LMX1B: variants seen among roughly 807,000 people sequenced by gnomAD.
The protein encoded by LMX1B is LIM homeobox transcription factor 1-beta.
LMX1B carries 12 observed loss-of-function variants against 51.4 expected under a neutral mutation model. That is an observed-to-expected ratio of 0.23 (90% CI 0.15 to 0.38). LMX1B has a LOEUF of 0.38. Among genes scored for constraint, LMX1B ranks in the 10% least tolerant of loss-of-function variants. The pLI is 1.00. For synonymous variants in LMX1B, 237 were observed against 235.4 expected (o/e 1.01, Z -0.06); for missense variants, 445 against 571.1 (o/e 0.78, Z 2.25).
intron 2 of LMX1B, among the ~76,000 whole-genome samples, chr9:126,628,745 A>G (rs550174760): frequency 2.6e-5 from 4 of 152,254 alleles, no homozygotes; most frequent in Admixed American, 2.6e-4. Flanking sequence ...TTTCTTTTCC[A>G]GGAGATTTTT....
At chr9:126,676,962 G>C (rs1836575353) in intron 2 of LMX1B, among the ~76,000 whole-genome samples, 2 of 152,232 alleles carry the variant, frequency 1.3e-5, no homozygotes, top group African/African-American at 4.8e-5. Context: ...AAAAAACAAA[G>C]AGGCTCAATT....
In LMX1B at chr9:126,693,512, T is replaced by C; in HGVS notation, c.742-12T>C. 3 of 1,613,728 alleles carry C rather than the reference T, an allele frequency of 1.9e-6. No homozygotes were observed. The highest frequency in any genetic ancestry group is 2.5e-6 in the Non-Finnish European group (3 of 1,179,872). On this transcript the variant is annotated splice_polypyrimidine_tract_variant and intron_variant, in intron 4 of 7. Coordinates refer to ENST00000373474, the MANE Select transcript of LMX1B (RefSeq NM_001174147.2). Reference sequence around the variant, plus strand: ...CTGGAGGGCCTGACCTGTTCCCCTCTCTCTGAGCCAGGTCCGAGAGACACT... The same window carrying C: ...CTGGAGGGCCTGACCTGTTCCCCTCCCTCTGAGCCAGGTCCGAGAGACACT...
At position 126,695,512 on chromosome 9, in the gene LMX1B, C is replaced by T. The variant is rs1405744981; in HGVS notation, c.887-327C>T. On this transcript the variant is annotated intron_variant, in intron 6 of 7. Transcript: ENST00000373474. The surrounding 1 kb of genome is among the most constrained non-coding windows in gnomAD (Gnocchi z 5.2). ...GGAAGTCTTCCCGGGGCCTTTTTGGCCTGGGTCTGGGACCTTGGTGCTCCC... is the reference window on the plus strand; with the variant it reads ...GGAAGTCTTCCCGGGGCCTTTTTGGTCTGGGTCTGGGACCTTGGTGCTCCC... Among the ~76,000 whole-genome samples the T allele has an allele frequency of 1.3e-5, 2 of 152,222 alleles. No individual in the cohort carries two copies. Among genetic ancestry groups the T allele is most frequent in the Non-Finnish European group, 2.9e-5 (2 of 68,044 alleles).
chr9:126,648,167 T>A (rs1231886894), intron 2 of LMX1B, among the ~76,000 whole-genome samples: 1 of 152,208 alleles, frequency 6.6e-6, no homozygotes, highest in Non-Finnish European at 1.5e-5. Context: ...AAATGAACCG[T>A]GGCAGGCGTG....
At chr9:126,682,301 A>G (rs1365295498) in intron 2 of LMX1B, among the ~76,000 whole-genome samples, 1 of 151,520 alleles carries the variant, frequency 6.6e-6, no homozygotes, top group Admixed American at 6.6e-5. Flanking sequence ...ACCATCCCCC[A>G]GGTGTCGGCT....
Position 126,693,237 on chromosome 9 carries a change from C to A in LMX1B, c.655C>A (p.Pro219Thr). ...SGDDGKDPRR[P>T]KRPRTILTTQ... ...GGATGACGGGAAGGACCCGCGGAGG[C>A]CCAAGCGACCCCGGACCATCCTCAC... Residue 219 changes from proline (P) to threonine (T), a missense_variant, in exon 4 of 8, where the codon CCC becomes ACC. Physicochemically the swap from Pro to Thr is conservative, Grantham distance 38. This residue lies in a region of LMX1B where 273 missense variants were observed against 343.3 expected (regional missense o/e 0.80). Transcript: ENST00000373474. The A allele has an allele frequency of 6.2e-7, 1 of 1,611,432 alleles. No homozygotes were observed.
chr9:126,644,567 G>A (rs1472775524), intron 2 of LMX1B, among the ~76,000 whole-genome samples: 1 of 152,178 alleles, frequency 6.6e-6, no homozygotes, highest in Non-Finnish European at 1.5e-5. Context: ...ATTCTGCAAA[G>A]CCCCATGGCC....
intron 3 of LMX1B, among the ~76,000 whole-genome samples, chr9:126,691,327 C>T (rs2030124066): frequency 6.6e-6 from 1 of 152,088 alleles, no homozygotes; most frequent in Non-Finnish European, 1.5e-5. Flanking sequence ...CACATGTGTG[C>T]ACACAAGCAC....
rs1296201854 is a variant in LMX1B at position 126,698,852 on chromosome 9, A to AT, written c.*2402dup. 2.6e-5 allele frequency: 4 copies of AT among 152,360 alleles called. No homozygotes were observed. The highest frequency in any genetic ancestry group is 7.2e-5 in the African/African-American group (3 of 41,428). 9.4% of individuals were successfully genotyped at this position (152,360 alleles called of 1,614,324 possible). A position where few individuals can be genotyped will look rare whatever the true frequency, so the allele number is the denominator to read the frequency against. ...TCCTGGGCCAACCTCCTTGCCTGAC[A>AT]TGTGGCCTCGTGTCACCCATTGGGC... On this transcript the variant is annotated 3_prime_UTR_variant, in exon 8 of 8. Transcript: ENST00000373474.
chr9:126,693,837 TGGGCCAGGGTGAGCTGGGGCCG>T (rs2030235993), intron 6 of LMX1B, 25 bp downstream of exon 6: 2 of 1,082,906 alleles, frequency 1.8e-6, no homozygotes, highest in South Asian at 1.3e-5. Flanking sequence ...GGGCAGGGCC[TGGGCCAGGGTGAGCTGGGGCCG>T]GGGCCAGGGG....
intron 2 of LMX1B, among the ~76,000 whole-genome samples, chr9:126,643,967 A>C (rs1835853956): frequency 6.6e-6 from 1 of 152,222 alleles, no homozygotes; most frequent in Non-Finnish European, 1.5e-5. Context: ...CCAAGGTCTC[A>C]CAGCCAGAAA....
chr9:126,635,950 C>G (rs1835706672), intron 2 of LMX1B, among the ~76,000 whole-genome samples: 1 of 152,196 alleles, frequency 6.6e-6, no homozygotes, highest in Admixed American at 6.5e-5. Context: ...AGGCGTCCCA[C>G]TCCCATGGCC....
intron 2 of LMX1B, among the ~76,000 whole-genome samples, chr9:126,656,379 G>T (rs1418477996): frequency 7.1e-6 from 1 of 141,460 alleles, no homozygotes; most frequent in Non-Finnish European, 1.5e-5. Context: ...GTGAGATCTG[G>T]TCTTTAGATA....
At chr9:126,632,946 T>C (rs1267340722) in intron 2 of LMX1B, among the ~76,000 whole-genome samples, 1 of 152,226 alleles carries the variant, frequency 6.6e-6, no homozygotes, top group African/African-American at 2.4e-5. Flanking sequence ...TGCCTTTTCA[T>C]TCTGTGCTGA....
rs3052900 is a variant in LMX1B at position 126,656,383 on chromosome 9, TTAGATAGATAGATAGATAGA to T, written c.327-34417_327-34398del. Among the ~76,000 whole-genome samples the T allele has an allele frequency of 1.2e-3, 172 of 143,970 alleles. 1 individual carries two copies. In the East Asian group the frequency reaches 0.014, roughly 11 times the overall value. 94.4% of individuals were successfully genotyped at this position (143,970 alleles called of 152,430 possible). A position where few individuals can be genotyped will look rare whatever the true frequency, so the allele number is the denominator to read the frequency against. ...TGGGCAACATAGTGAGATCTGGTCT[TTAGATAGATAGATAGATAGA>T]TAGATAGATAGATAGATAGATAGAT... On this transcript the variant is annotated intron_variant, in intron 2 of 7. Transcript: ENST00000373474.
intron 2 of LMX1B, among the ~76,000 whole-genome samples, chr9:126,636,904 T>C (rs904511993): frequency 1.3e-5 from 2 of 152,164 alleles, no homozygotes; most frequent in Admixed American, 6.5e-5. Context: ...TCTCTAGAGA[T>C]GTATGTGCAC....
At position 126,639,098 on chromosome 9, in the gene LMX1B, TAGG is replaced by T. The variant is rs1358345537; in HGVS notation, c.326+23532_326+23534del. ...AATTGGAGAGGAGAGAAGAGGCTGGTAGGAGAAGAGGGGAGGGGAGGGGAAGGA... is the reference window on the plus strand; with the variant it reads ...AATTGGAGAGGAGAGAAGAGGCTGGTAGAAGAGGGGAGGGGAGGGGAAGGA... On this transcript the variant is annotated intron_variant, in intron 2 of 7. Coordinates refer to ENST00000373474, the MANE Select transcript of LMX1B (RefSeq NM_001174147.2). Among the ~76,000 whole-genome samples the T allele has an allele frequency of 4.0e-5, 5 of 125,846 alleles. No homozygotes were observed. The South Asian group carries it at 7.5e-4, about 19-fold the overall frequency. 82.6% of individuals were successfully genotyped at this position (125,846 alleles called of 152,430 possible).
intron 2 of LMX1B, among the ~76,000 whole-genome samples, chr9:126,676,807 C>T (rs749664769): frequency 1.3e-5 from 2 of 152,148 alleles, no homozygotes; most frequent in African/African-American, 2.4e-5. Flanking sequence ...GCACAGTTGG[C>T]GCTGGGTAAA....
intron 2 of LMX1B, among the ~76,000 whole-genome samples, chr9:126,665,507 C>T (rs902607944): frequency 5.9e-5 from 9 of 151,936 alleles, no homozygotes; most frequent in Admixed American, 5.2e-4. Context: ...CACCGGCCAG[C>T]GGGGCTGCTC....
Sources: gnomAD v4.1 joint callset for allele counts (sites outside exome capture counted in the v4.1 genomes callset) on GRCh38, gnomAD v4.1.1 for gene constraint, gnomAD v4.1.1 regional missense constraint, Gnocchi (gnomAD v3.1) non-coding constraint, MANE v1.5 for transcripts, NCBI Gene and HGNC (gene_info 2026-07-23, HGNC 2026-07-21) for gene names.